Variants in TBC1D8B observed in about 807,000 individuals in gnomAD.
The protein encoded by TBC1D8B is RP11-321G1.1.
TBC1D8B carries 75 observed loss-of-function variants against 82.9 expected under a neutral mutation model. The observed-to-expected ratio is 0.90, with a 90% CI of 0.75 to 1.10. The LOEUF (loss-of-function observed/expected upper bound fraction) is 1.10. Among genes scored for constraint, TBC1D8B ranks in the 50% least tolerant of loss-of-function variants. The pLI, the probability that TBC1D8B is intolerant of heterozygous loss-of-function variation, is 0.00. For missense variants in TBC1D8B, 794 were observed against 796.9 expected, an observed-to-expected ratio of 1.00 and a Z score of 0.04; for synonymous variants, 276 against 276.8, an observed-to-expected ratio of 1.00 and a Z score of 0.03.
chrX:106,848,712 T>C (rs913169723), intron 11 of TBC1D8B, among the ~76,000 whole-genome samples: 8 of 111,420 alleles, frequency 7.2e-5, no homozygotes, highest in Admixed American at 2.9e-4. Flanking sequence ...ATGAATTATA[T>C]AGATATTTGC....
chrX:106,856,042 C>CAAACA (rs1160101013), intron 14 of TBC1D8B, among the ~76,000 whole-genome samples: 1 of 111,955 alleles, frequency 8.9e-6, no homozygotes. Context: ...GTCTCTAAAA[C>CAAACA]AAACAAAACA....
At chrX:106,805,859 A>G (rs1006483967) in intron 1 of TBC1D8B, among the ~76,000 whole-genome samples, 1 of 112,674 alleles carries the variant, frequency 8.9e-6, no homozygotes, top group Non-Finnish European at 1.9e-5. Context: ...ACTGTGTGCC[A>G]GCATAAGTTT....
chrX:106,869,303 A>G (rs1039225052), intron 18 of TBC1D8B, among the ~76,000 whole-genome samples, 182 bp from the exon 19 acceptor site: 1 of 111,909 alleles, frequency 8.9e-6, no homozygotes, highest in Non-Finnish European at 1.9e-5. Context: ...TTTTCCCCCA[A>G]TGTTCTTTTT....
chrX:106,820,486 A>G (rs1047846211), intron 2 of TBC1D8B, among the ~76,000 whole-genome samples: 1 of 111,790 alleles, frequency 8.9e-6, no homozygotes, highest in African/African-American at 3.2e-5. Context: ...CATATTATAG[A>G]CACAGCACTA....
chrX:106,841,385 G>T (rs1002520755), intron 10 of TBC1D8B, among the ~76,000 whole-genome samples: 2 of 111,912 alleles, frequency 1.8e-5, no homozygotes, highest in African/African-American at 6.5e-5. Flanking sequence ...GGAATGAAAA[G>T]AACATGCCAG....
In TBC1D8B at chrX:106,873,654, G is replaced by C; in HGVS notation, c.3052G>C (p.Val1018Leu). The C allele has an allele frequency of 8.3e-7, 1 of 1,211,423 alleles. No individual in the cohort carries two copies. Among genetic ancestry groups the C allele is most frequent in the Non-Finnish European group, 1.1e-6 (1 of 895,245 alleles). ...AGAATCATTATATCAAGCCATTGCT[G>C]TTGTAACCAGCCTTTTACTCAGGAT... is the stretch of plus-strand genomic sequence containing the variant. ...EEESLYQAIA[V>L]VTSLLLRMEE... Residue 1018 changes from valine to leucine, a missense_variant, in exon 21 of 21, where the codon GTT becomes CTT. Physicochemically the swap from Val to Leu is conservative, Grantham distance 32. Transcript: ENST00000357242.
At chrX:106,858,090 CT>C (rs1164882047) in intron 14 of TBC1D8B, among the ~76,000 whole-genome samples, 7 of 111,792 alleles carry the variant, frequency 6.3e-5, no homozygotes, top group Non-Finnish European at 1.3e-4. Flanking sequence ...TATTTTTTGA[CT>C]TTTTAATAAT....
intron 1 of TBC1D8B, chrX:106,814,446 T>TGTTG (rs1260569566): frequency 3.7e-5 from 4 of 107,001 alleles, no homozygotes; most frequent in South Asian, 4.5e-4. Context: ...AGTCTATCAT[T>TGTTG]GTTGGACATT....
In TBC1D8B at chrX:106,818,644, A is replaced by C. The variant is rs370878918; in HGVS notation, c.131-19A>C. ...TCTCTTGTAAAGTCCTTATTTCAAC[A>C]ATCTTTCTATTACAACAGGGCTTCT... On this transcript the variant is annotated intron_variant, in intron 1 of 20. Coordinates refer to ENST00000357242, the MANE Select transcript of TBC1D8B (RefSeq NM_017752.3). 113 of 1,129,915 alleles carry C rather than the reference A, an allele frequency of 1.0e-4. No homozygotes were observed. Among genetic ancestry groups the C allele is most frequent in the Non-Finnish European group, 1.3e-4 (108 of 833,552 alleles). The allele number at this position is 1,129,915 out of a possible 1,213,427, so 93.1% of individuals were successfully genotyped here.
intron 17 of TBC1D8B, among the ~76,000 whole-genome samples, chrX:106,867,430 G>T: frequency 8.9e-6 from 1 of 111,786 alleles, no homozygotes; most frequent in Non-Finnish European, 1.9e-5. Context: ...GAGCTGGAAA[G>T]ATAAAAATTT....
intron 7 of TBC1D8B, among the ~76,000 whole-genome samples, chrX:106,836,415 C>G (rs1216762618): frequency 9.0e-6 from 1 of 111,541 alleles, no homozygotes; most frequent in Non-Finnish European, 1.9e-5. Flanking sequence ...AATGTCCAGC[C>G]CTGCTAGGGC....
chrX:106,820,594 A>T (rs1219014143), intron 2 of TBC1D8B, among the ~76,000 whole-genome samples: 1 of 111,554 alleles, frequency 9.0e-6, no homozygotes, highest in Non-Finnish European at 1.9e-5. Flanking sequence ...TTTAGGCACC[A>T]GTTACTAGCA....
At chrX:106,830,015 A>G (rs1227437189) in intron 7 of TBC1D8B, 7 of 111,583 alleles carry the variant, frequency 6.3e-5, no homozygotes, top group Admixed American at 1.9e-4. Context: ...GCAACCTACA[A>G]AATGGGAGAA....
Position 106,840,871 on chromosome X carries a change from T to C in TBC1D8B, c.1706T>C (p.Ile569Thr), listed in dbSNP as rs762580075. ...LTAYAYRNPK[I>T]GYCQAMNILT... ...GCTTATGCATACAGGAATCCCAAAA[T>C]TGGATACTGCCAGGTATGACTTAAC... is the stretch of plus-strand genomic sequence containing the variant. Residue 569 changes from isoleucine (I) to threonine (T), a missense_variant, in exon 10 of 21, where the codon ATT becomes ACT. Transcript: ENST00000357242. 5 of 1,207,028 alleles carry C rather than the reference T, an allele frequency of 4.1e-6. No individual in the cohort carries two copies. The African/African-American group carries it at 7.0e-5, about 17-fold the overall frequency.
chrX:106,817,407 C>A (rs1267141230), intron 1 of TBC1D8B, among the ~76,000 whole-genome samples: 1 of 111,230 alleles, frequency 9.0e-6, no homozygotes, highest in African/African-American at 3.3e-5. Context: ...CTGAAATGTT[C>A]CAAAATCCGA....
Position 106,853,552 on chromosome X carries a change from C to A in TBC1D8B, c.2155C>A (p.Pro719Thr). The change falls in exon 13 of 21, where the codon CCA (proline) becomes ACA (threonine). Residue 719 changes from proline (P) to threonine (T), a missense_variant. By Grantham distance (38) the Pro-to-Thr change is conservative. Coordinates refer to ENST00000357242, the MANE Select transcript of TBC1D8B (RefSeq NM_017752.3). ...FFDNVTNKDS[P>T]LPSNVQQGSN... Reference sequence around the variant, plus strand: ...TGACAATGTCACTAATAAGGATAGTCCATTGCCTTCAAATGTTCAGCAAGG... The same window carrying A: ...TGACAATGTCACTAATAAGGATAGTACATTGCCTTCAAATGTTCAGCAAGG... 1 of 1,207,698 alleles carries A rather than the reference C, an allele frequency of 8.3e-7. No homozygotes were observed. The highest frequency in any genetic ancestry group is 1.1e-6 in the Non-Finnish European group (1 of 892,236).
At chrX:106,809,936 A>G (rs145848607) in intron 1 of TBC1D8B, among the ~76,000 whole-genome samples, 1 of 110,217 alleles carries the variant, frequency 9.1e-6, no homozygotes, top group East Asian at 2.8e-4. Context: ...TACGGAGTTT[A>G]TCATGTGATG....
At chrX:106,815,031 G>A in intron 1 of TBC1D8B, 1 of 111,237 alleles carries the variant, frequency 9.0e-6, no homozygotes, top group Non-Finnish European at 1.9e-5. Context: ...CTTTTGCTGT[G>A]CAGAAGCTCT....
Position 106,871,510 on chromosome X carries a change from A to G in TBC1D8B, c.2967+697A>G, listed in dbSNP as rs184706936. On this transcript the variant is annotated intron_variant, in intron 20 of 20. Transcript: ENST00000357242. ...TTTTCCTCTACTCTCACACCATGAC[A>G]ATAACAATCATCAACATAGAAGAAA... Among the ~76,000 whole-genome samples, 345 of 112,156 alleles carry G rather than the reference A, an allele frequency of 3.1e-3. 4 individuals are homozygous for G. The highest frequency in any genetic ancestry group is 0.011 in the African/African-American group (337 of 30,884).
Sources: gnomAD v4.1 joint callset for allele counts (sites outside exome capture counted in the v4.1 genomes callset) on GRCh38, gnomAD v4.1.1 for gene constraint, MANE v1.5 for transcripts, NCBI Gene and HGNC (gene_info 2026-07-23, HGNC 2026-07-21) for gene names.